The following MTUS2 variants were observed in gnomAD, a reference collection of about 807,000 sequenced individuals.
MTUS2 encodes the protein microtubule associated scaffold protein 2.
Under a neutral mutation model 114.1 loss-of-function variants are expected in MTUS2, and 40 were observed. The ratio of observed to expected loss-of-function variants is 0.35; its 90% CI spans 0.27 to 0.46. The LOEUF (loss-of-function observed/expected upper bound fraction) is 0.46, where lower values mean the gene tolerates loss of function less well. Ranked by LOEUF, MTUS2 falls within the 20% of genes least tolerant of loss-of-function variation. MTUS2 has a pLI of 1.00. For missense variants in MTUS2, 1,679 were observed against 1,705.4 expected (o/e 0.98, Z 0.27); for synonymous variants, 688 against 672.0 (o/e 1.02, Z -0.37).
chr13:29,443,065 G>A (rs1267353905), intron 9 of MTUS2, among the ~76,000 whole-genome samples: 3 of 152,154 alleles, frequency 2.0e-5, no homozygotes, highest in Non-Finnish European at 4.4e-5. Context: ...CCAAGGCTTG[G>A]CAGTTCTGAG....
rs111244817 is a variant in MTUS2 at position 29,279,288 on chromosome 13, G to A, written c.2645-2416G>A. On this transcript the variant is annotated intron_variant, in intron 5 of 15. Transcript: ENST00000612955. The stretch of plus-strand genomic sequence containing the variant: ...ACCTTGCTGATGTTTCTTCTGTGCT[G>A]TGGTCAAGTGGAAGGGTAGGTAAAT... Among the ~76,000 whole-genome samples the A allele has an allele frequency of 3.0e-3, 462 of 152,292 alleles. 4 individuals are homozygous for A. The highest frequency in any genetic ancestry group is 0.011 in the African/African-American group (438 of 41,564).
intron 1 of MTUS2, among the ~76,000 whole-genome samples, chr13:28,836,634 G>A (rs1159064389): frequency 6.6e-6 from 1 of 152,150 alleles, no homozygotes; most frequent in East Asian, 1.9e-4. Context: ...GCAAAGAGGA[G>A]AGGCCTGAGC....
intron 2 of MTUS2, among the ~76,000 whole-genome samples, chr13:29,003,485 G>A (rs1885471486): frequency 6.6e-6 from 1 of 152,118 alleles, no homozygotes; most frequent in Admixed American, 6.6e-5. Context: ...CATGTTAGTG[G>A]GATTCCTCTG....
intron 6 of MTUS2, among the ~76,000 whole-genome samples, chr13:29,299,676 T>C (rs1899107935): frequency 6.6e-6 from 1 of 152,202 alleles, no homozygotes; most frequent in Non-Finnish European, 1.5e-5. Context: ...CTGCATTCCA[T>C]TCAGGTTAAT....
At position 29,165,970 on chromosome 13, in the gene MTUS2, G is replaced by T. The variant is rs139318839; in HGVS notation, c.2644+65000G>T. 1.6e-4 allele frequency among the ~76,000 whole-genome samples: 25 copies of T among 152,306 alleles called. 1 individual carries two copies. The East Asian group carries it at 3.5e-3, about 21-fold the overall frequency. ...GAGGTTATGGACGAGGCTAGGGTGG[G>T]ATGGCTGGAGGAAGGTGAGTGTGGT... On this transcript the variant is annotated intron_variant, in intron 5 of 15. Transcript: ENST00000612955.
intron 2 of MTUS2, among the ~76,000 whole-genome samples, chr13:28,857,564 T>C (rs1398274218): frequency 6.6e-6 from 1 of 152,112 alleles, no homozygotes; most frequent in African/African-American, 2.4e-5. Flanking sequence ...AATAGATAAT[T>C]AATGGTTTTG....
At chr13:29,317,673 C>T (rs1235223498) in intron 6 of MTUS2, among the ~76,000 whole-genome samples, 5 of 128,142 alleles carry the variant, frequency 3.9e-5, no homozygotes, top group African/African-American at 8.5e-5. Context: ...CTCCTGACCT[C>T]GTGATCCACC....
intron 8 of MTUS2, among the ~76,000 whole-genome samples, chr13:29,389,309 A>ACACGTGTGTATG (rs1872888852): frequency 1.4e-5 from 2 of 138,300 alleles, no homozygotes; most frequent in Non-Finnish European, 3.1e-5. Flanking sequence ...ATATGTGTAT[A>ACACGTGTGTATG]TATGTATACA....
At chr13:29,119,936 T>A in intron 5 of MTUS2, among the ~76,000 whole-genome samples, 1 of 152,240 alleles carries the variant, frequency 6.6e-6, no homozygotes, top group South Asian at 2.1e-4. Flanking sequence ...CCTTTACAAA[T>A]CAGTAAAAAG....
intron 4 of MTUS2, among the ~76,000 whole-genome samples, chr13:29,080,504 A>G (rs1483889653): frequency 1.3e-5 from 2 of 152,196 alleles, no homozygotes; most frequent in Non-Finnish European, 2.9e-5. Context: ...GCTGAGGAGC[A>G]AGGAAGCCAG....
intron 5 of MTUS2, among the ~76,000 whole-genome samples, chr13:29,166,900 T>G (rs1382933282): frequency 6.6e-6 from 1 of 152,282 alleles, no homozygotes; most frequent in Non-Finnish European, 1.5e-5. Context: ...TTTCGGTTGC[T>G]TTTCAGTATG....
chr13:29,251,292 G>GATAATAATAATAATAATAATAATAATA (rs10526021), intron 5 of MTUS2, among the ~76,000 whole-genome samples: 6 of 146,488 alleles, frequency 4.1e-5, no homozygotes, highest in African/African-American at 1.5e-4. Flanking sequence ...ATGGGATGAT[G>GATAATAATAATAATAATAATAATAATA]ATAATAATAA....
intron 8 of MTUS2, among the ~76,000 whole-genome samples, chr13:29,413,288 T>A (rs1362100896): frequency 6.6e-5 from 10 of 152,228 alleles, no homozygotes; most frequent in Admixed American, 5.2e-4. Flanking sequence ...TGGAACTATC[T>A]CATCTTTGAA....
intron 2 of MTUS2, among the ~76,000 whole-genome samples, chr13:28,866,436 G>A (rs1877303741): frequency 6.6e-6 from 1 of 152,124 alleles, no homozygotes. Context: ...GTGCCGCCTC[G>A]AGCTTCTTGT....
intron 6 of MTUS2, among the ~76,000 whole-genome samples, chr13:29,315,853 G>C (rs1899966259): frequency 6.6e-6 from 1 of 152,190 alleles, no homozygotes; most frequent in Non-Finnish European, 1.5e-5. Context: ...AGAGGCAACA[G>C]CATAGTGAGA....
rs1430346395 is a variant in MTUS2 at position 29,504,919 on chromosome 13, G to A, written c.*1713G>A. 2.6e-5 allele frequency: 6 copies of A among 232,378 alleles called. No homozygotes were observed. Among genetic ancestry groups the A allele is most frequent in the Non-Finnish European group, 2.6e-5 (3 of 117,602 alleles). The allele number at this position is 232,378 out of a possible 1,614,324, so 14.4% of individuals were successfully genotyped here. A position where few individuals can be genotyped will look rare whatever the true frequency, so the allele number is the denominator to read the frequency against. On this transcript the variant is annotated 3_prime_UTR_variant, in exon 16 of 16. Transcript: ENST00000612955. ...CGGCTTGTCCAGGGCACGCCTGCTC[G>A]GCACACGTGTTGCCAACGTGAAGGC... is the stretch of plus-strand genomic sequence containing the variant.
chr13:28,915,224 C>A (rs1880679446), intron 2 of MTUS2, among the ~76,000 whole-genome samples: 1 of 151,888 alleles, frequency 6.6e-6, no homozygotes, highest in Non-Finnish European at 1.5e-5. Flanking sequence ...TACTTCCAAT[C>A]TTGGCTATTT....
At chr13:29,020,741 C>G (rs1047476013) in intron 2 of MTUS2, among the ~76,000 whole-genome samples, 2 of 151,516 alleles carry the variant, frequency 1.3e-5, no homozygotes, top group African/African-American at 4.8e-5. Context: ...AGCTTTTCTT[C>G]TTTACAGCTT....
intron 1 of MTUS2, among the ~76,000 whole-genome samples, chr13:28,830,153 A>G (rs997364236): frequency 6.6e-6 from 1 of 152,210 alleles, no homozygotes; most frequent in Admixed American, 6.5e-5. Flanking sequence ...AATAGAAACA[A>G]TAGTAGCAAC....
Sources: gnomAD v4.1 joint callset for allele counts (sites outside exome capture counted in the v4.1 genomes callset) on GRCh38, gnomAD v4.1.1 for gene constraint, MANE v1.5 for transcripts, NCBI Gene and HGNC (gene_info 2026-07-23, HGNC 2026-07-21) for gene names.